SEC31A: variants seen among roughly 807,000 people sequenced by gnomAD.
The protein encoded by SEC31A is SEC31 homolog A, COPII component, also known as protein transport protein Sec31A.
SEC31A carries 70 observed loss-of-function variants against 151.0 expected under a neutral mutation model. That is an observed-to-expected ratio of 0.46 (90% CI 0.38 to 0.57). SEC31A has a LOEUF of 0.57. Among genes scored for constraint, SEC31A ranks in the 20% least tolerant of loss-of-function variants. The pLI is 0.00. For synonymous variants in SEC31A, 475 were observed against 505.9 expected (o/e 0.94, Z 0.82); for missense variants, 1,330 against 1,471.2 (o/e 0.90, Z 1.57).
intron 22 of SEC31A, chr4:82,830,942 A>G (rs1370537178): frequency 1.6e-6 from 2 of 1,221,766 alleles, no homozygotes; most frequent in Non-Finnish European, 2.1e-6. Context: ...TTCACCTTCC[A>G]ACATAGGTGC....
chr4:82,843,252 TC>T (rs553043895), intron 21 of SEC31A, among the ~76,000 whole-genome samples: 223 of 152,110 alleles, frequency 1.5e-3, no homozygotes, highest in Middle Eastern at 3.4e-3. Flanking sequence ...TGCCTCAGCC[TC>T]CTGAGTAGCT....
At chr4:82,872,631 G>A (rs1278033309) in intron 6 of SEC31A, among the ~76,000 whole-genome samples, 1 of 152,122 alleles carries the variant, frequency 6.6e-6, no homozygotes, top group Non-Finnish European at 1.5e-5. Context: ...AAACCATTCT[G>A]AGTCAGAATA....
At chr4:82,865,797 G>A (rs1454529910) in intron 10 of SEC31A, among the ~76,000 whole-genome samples, 3 of 151,964 alleles carry the variant, frequency 2.0e-5, no homozygotes. Context: ...GAAATGGGGA[G>A]CTGTTGTTCA....
chr4:82,892,458 T>C (rs1224245741), upstream of SEC31A, among the ~76,000 whole-genome samples: 1 of 152,236 alleles, frequency 6.6e-6, no homozygotes, highest in African/African-American at 2.4e-5. Flanking sequence ...TATCTTTGCT[T>C]TGCTGTCACC....
At chr4:82,841,442 T>TTATATATATATATATATATATA (rs58373170) in intron 22 of SEC31A, among the ~76,000 whole-genome samples, 689 of 64,026 alleles carry the variant, frequency 0.011, 13 homozygotes, top group Middle Eastern at 0.025. Flanking sequence ...AAAAAAAATT[T>TTATATATATATATATATATATA]TATATATATA....
upstream of SEC31A, among the ~76,000 whole-genome samples, chr4:82,892,843 TTTTA>T (rs1578431390): frequency 6.6e-6 from 1 of 152,214 alleles, no homozygotes; most frequent in Admixed American, 6.5e-5. Context: ...GTTGGACTGG[TTTTA>T]TTTAACTGTG....
chr4:82,863,574 C>T (rs1029368751), intron 11 of SEC31A, among the ~76,000 whole-genome samples, 182 bp from the exon 12 acceptor site: 7 of 151,872 alleles, frequency 4.6e-5, no homozygotes, highest in Admixed American at 2.0e-4. Context: ...GGAGACCCAG[C>T]CTCAGGAGGT....
At chr4:82,867,013 T>C in intron 9 of SEC31A, 53 bp from the exon 10 acceptor site, 2 of 1,584,776 alleles carry the variant, frequency 1.3e-6, no homozygotes, top group Non-Finnish European at 1.7e-6. Context: ...AGTTTCATTT[T>C]TTTCCAGTCA....
In SEC31A at chr4:82,882,401, C is replaced by CAAAAA. The variant is rs57974382; in HGVS notation, c.-4-466_-4-462dup. On this transcript the variant is annotated intron_variant, in intron 1 of 26. Transcript: ENST00000395310. ...TGGGCGAGAGAGCAAGACTCTATCT[C>CAAAAA]AAAAAAAAAAAAAAAAAAAAAAAAA... Among the ~76,000 whole-genome samples, 572 of 92,452 alleles carry CAAAAA rather than the reference C, an allele frequency of 6.2e-3. 45 individuals carry two copies. The highest frequency in any genetic ancestry group is 0.027 in the African/African-American group (530 of 19,394). The allele number at this position is 92,452 out of a possible 152,430, so 60.7% of individuals were successfully genotyped here.
At chr4:82,864,322 G>T in intron 11 of SEC31A, 40 bp downstream of exon 11, 2 of 1,322,102 alleles carry the variant, frequency 1.5e-6, no homozygotes, top group Non-Finnish European at 2.2e-6. Flanking sequence ...AGTTAAATTT[G>T]CAGATAATGA....
chr4:82,847,883 C>T (rs10021493), intron 20 of SEC31A, among the ~76,000 whole-genome samples: 100,582 of 152,080 alleles, frequency 0.66, 36,004 homozygotes, highest in Non-Finnish European at 0.79. Flanking sequence ...TTAACAGTTA[C>T]ATTCAAATGT....
intron 17 of SEC31A, 48 bp from the exon 18 acceptor site, chr4:82,853,763 T>C (rs778741679): frequency 4.1e-6 from 6 of 1,458,930 alleles, no homozygotes; most frequent in Non-Finnish European, 4.7e-6. Flanking sequence ...AGGCAATCTG[T>C]ATATGAGGCT....
intron 3 of SEC31A, among the ~76,000 whole-genome samples, chr4:82,897,062 T>G (rs2126005403): frequency 6.6e-6 from 1 of 152,338 alleles, no homozygotes; most frequent in African/African-American, 2.4e-5. Context: ...CTTTTGAGTC[T>G]TCTTGTTTTC....
intron 18 of SEC31A, among the ~76,000 whole-genome samples, chr4:82,852,551 G>T (rs1731685336): frequency 6.6e-6 from 1 of 150,962 alleles, no homozygotes; most frequent in African/African-American, 2.5e-5. Context: ...TTTTCTCTGA[G>T]AAGCTCTTAA....
intron 4 of SEC31A, 137 bp from the exon 5 acceptor site, chr4:82,875,959 C>G (rs1737817136): frequency 6.6e-6 from 3 of 452,682 alleles, no homozygotes; most frequent in East Asian, 3.6e-5. Context: ...AAAACATATG[C>G]ATGAATTTCT....
Position 82,847,155 on chromosome 4 carries a change from T to C in SEC31A, c.2502+1649A>G, listed in dbSNP as rs146113140. On this transcript the variant is annotated intron_variant, in intron 20 of 26. Transcript: ENST00000395310. ...GGTTAAGTTCTGGGGAGTGAAGTCA[T>C]AGATTTTCAACTGTACGCAGGGTCG... Among the ~76,000 whole-genome samples the C allele has an allele frequency of 1.5e-4, 23 of 152,332 alleles. No homozygotes were observed. In the East Asian group the frequency reaches 3.9e-3, roughly 26 times the overall value.
At chr4:82,861,062 T>C (rs1734019598) in intron 14 of SEC31A, among the ~76,000 whole-genome samples, 2 of 139,250 alleles carry the variant, frequency 1.4e-5, no homozygotes. Context: ...ATTTGTTCAT[T>C]AGTGGTTAAA....
chr4:82,857,944 C>A, intron 14 of SEC31A, 180 bp from the exon 15 acceptor site: 1 of 467,854 alleles, frequency 2.1e-6, no homozygotes, highest in Non-Finnish European at 3.9e-6. Context: ...TATTACCTCC[C>A]ATTATATAAT....
In SEC31A at chr4:82,857,772, G is replaced by A. The variant is rs1051206010; in HGVS notation, c.1627-8C>T. ...TTTTTCCTCTTTAATGTGCTAAAGA[G>A]ATGAAAAAAGCAACAATTTAGCCAG... On this transcript the variant is annotated splice_polypyrimidine_tract_variant and splice_region_variant and intron_variant, in intron 14 of 26. Coordinates refer to ENST00000395310, the MANE Select transcript of SEC31A (RefSeq NM_001077207.4). 2.6e-6 allele frequency: 4 copies of A among 1,551,312 alleles called. No individual in the cohort carries two copies. The highest frequency in any genetic ancestry group is 1.7e-5 in the Admixed American group (1 of 57,176).
Sources: gnomAD v4.1 joint callset for allele counts (sites outside exome capture counted in the v4.1 genomes callset) on GRCh38, gnomAD v4.1.1 for gene constraint, MANE v1.5 for transcripts, NCBI Gene and HGNC (gene_info 2026-07-23, HGNC 2026-07-21) for gene names.